The following DNAJB6 variants were observed in gnomAD, a reference collection of about 807,000 sequenced individuals.
DNAJB6 encodes the protein DnaJ heat shock protein family (Hsp40) member B6.
DNAJB6 carries 16 observed loss-of-function variants against 42.7 expected under a neutral mutation model. That is an observed-to-expected ratio of 0.37 (90% CI 0.25 to 0.57). DNAJB6 has a LOEUF of 0.57. DNAJB6 is among the 20% of genes least tolerant of loss of function. The pLI is 0.74. For missense variants in DNAJB6, 347 were observed against 416.8 expected (o/e 0.83, Z 1.46); for synonymous variants, 170 against 163.5 (o/e 1.04, Z -0.30).
chr7:157,399,606 A>G (rs901442358), intron 8 of DNAJB6, among the ~76,000 whole-genome samples: 2 of 152,016 alleles, frequency 1.3e-5, no homozygotes, highest in Admixed American at 1.3e-4. Flanking sequence ...GTGCGGTGAC[A>G]TCACCTAACA....
At chr7:157,368,900 TGCC>T (rs1799973105) in intron 5 of DNAJB6, 3 of 208,026 alleles carry the variant, frequency 1.4e-5, no homozygotes, top group African/African-American at 7.1e-5. Flanking sequence ...GTGGAGCTCC[TGCC>T]TGCCGCAGGC....
chr7:157,352,646 C>T (rs1257076976), intron 1 of DNAJB6, among the ~76,000 whole-genome samples: 2 of 152,100 alleles, frequency 1.3e-5, no homozygotes, highest in Non-Finnish European at 2.9e-5. Flanking sequence ...CTTCCCACTT[C>T]CTCATTGTGT....
intron 3 of DNAJB6, among the ~76,000 whole-genome samples, chr7:157,364,637 CTTG>C (rs1799760563): frequency 6.6e-6 from 1 of 152,072 alleles, no homozygotes; most frequent in South Asian, 2.1e-4. Flanking sequence ...GTCTTCGGTC[CTTG>C]TTGTTTGTGT....
chr7:157,372,859 C>T (rs1282605624), intron 5 of DNAJB6, among the ~76,000 whole-genome samples: 1 of 152,220 alleles, frequency 6.6e-6, no homozygotes, highest in Non-Finnish European at 1.5e-5. Flanking sequence ...CCTTCCCCAG[C>T]TGTTCTTCTC....
rs1272429474 is a variant in DNAJB6, at chr7:157,342,422, C to G, written c.-27+5278C>G. 2.1e-5 allele frequency among the ~76,000 whole-genome samples: 3 copies of G among 140,892 alleles called. No individual in the cohort carries two copies. In the South Asian group the frequency reaches 6.8e-4, roughly 32 times the overall value. The allele number at this position is 140,892 out of a possible 152,430, so 92.4% of individuals were successfully genotyped here. A position where few individuals can be genotyped will look rare whatever the true frequency, so the allele number is the denominator to read the frequency against. On this transcript the variant is annotated intron_variant, in intron 1 of 9. Coordinates refer to ENST00000262177, the MANE Select transcript of DNAJB6 (RefSeq NM_058246.4). ...GTGCAATCTCAGCTCACTGCAACCT[C>G]TGCCTCCCAGGTTCAAGCGATTCTC...
chr7:157,351,812 C>A (rs1324532652), intron 1 of DNAJB6, among the ~76,000 whole-genome samples: 3 of 149,688 alleles, frequency 2.0e-5, no homozygotes, highest in Admixed American at 6.7e-5. Flanking sequence ...TTAAAAAAAA[C>A]CCAAAAAACA....
At chr7:157,348,829 A>C (rs4716469) in intron 1 of DNAJB6, among the ~76,000 whole-genome samples, 61,834 of 151,768 alleles carry the variant, frequency 0.41, 14,014 homozygotes, top group Middle Eastern at 0.56. Context: ...GTTCCACCCT[A>C]CTAACTTGCT....
chr7:157,373,152 A>G (rs946732231), intron 5 of DNAJB6, among the ~76,000 whole-genome samples: 1 of 152,192 alleles, frequency 6.6e-6, no homozygotes, highest in African/African-American at 2.4e-5. Context: ...ATAATCTATA[A>G]AGAGCCTGTT....
intron 3 of DNAJB6, among the ~76,000 whole-genome samples, chr7:157,366,065 C>T (rs1327203254): frequency 6.6e-6 from 1 of 151,980 alleles, no homozygotes; most frequent in Non-Finnish European, 1.5e-5. Flanking sequence ...ATTCTCTTGC[C>T]TCAGCCTCCT....
At chr7:157,369,111 A>C (rs1799985164) in intron 5 of DNAJB6, 1 of 367,946 alleles carries the variant, frequency 2.7e-6, no homozygotes, top group Non-Finnish European at 5.4e-6. Flanking sequence ...ACTGAAGCTG[A>C]GCAGGCGATT....
chr7:157,358,011 T>A (rs930639335), intron 1 of DNAJB6, among the ~76,000 whole-genome samples: 4 of 152,152 alleles, frequency 2.6e-5, no homozygotes, highest in African/African-American at 9.7e-5. Flanking sequence ...CTTTCTCTCT[T>A]GGGAGATGTG....
At chr7:157,371,509 G>GAACC (rs1165081515) in intron 5 of DNAJB6, among the ~76,000 whole-genome samples, 1 of 151,224 alleles carries the variant, frequency 6.6e-6, no homozygotes, top group Non-Finnish European at 1.5e-5. Flanking sequence ...CTGCGGTGTG[G>GAACC]AACCCGTCCT....
intron 8 of DNAJB6, among the ~76,000 whole-genome samples, chr7:157,399,986 A>G (rs1370719876): frequency 1.3e-5 from 2 of 152,198 alleles, no homozygotes; most frequent in Non-Finnish European, 2.9e-5. Context: ...TGTCAGGAGA[A>G]TATCAGCATG....
chr7:157,351,396 A>C (rs145354022), intron 1 of DNAJB6, among the ~76,000 whole-genome samples: 1,679 of 152,076 alleles, frequency 0.011, 31 homozygotes, highest in East Asian at 0.06. Flanking sequence ...TGGGAGGCCG[A>C]GGAGGGCGGA....
chr7:157,354,782 C>T (rs932722794), intron 1 of DNAJB6, among the ~76,000 whole-genome samples: 4 of 152,256 alleles, frequency 2.6e-5, no homozygotes, highest in Non-Finnish European at 2.9e-5. Flanking sequence ...GAGGTAGACT[C>T]GGCAGAACTT....
chr7:157,389,762 C>T (rs749686369), intron 8 of DNAJB6, among the ~76,000 whole-genome samples: 1 of 152,198 alleles, frequency 6.6e-6, no homozygotes, highest in Admixed American at 6.5e-5. Flanking sequence ...GAAATCTAGA[C>T]GTCACTGATT....
intron 1 of DNAJB6, among the ~76,000 whole-genome samples, chr7:157,344,473 G>A (rs973814750): frequency 6.6e-6 from 1 of 151,344 alleles, no homozygotes; most frequent in Non-Finnish European, 1.5e-5. Flanking sequence ...AGATTGTGCT[G>A]CTGCACTCCA....
intron 8 of DNAJB6, among the ~76,000 whole-genome samples, chr7:157,402,463 A>G (rs7778789): frequency 0.22 from 33,373 of 152,112 alleles, 5,089 homozygotes; most frequent in African/African-American, 0.43. Flanking sequence ...GTGGGGTGAC[A>G]GGGTTGCCTG....
intron 5 of DNAJB6, among the ~76,000 whole-genome samples, chr7:157,371,660 C>T (rs1800217090): frequency 6.6e-6 from 1 of 152,258 alleles, no homozygotes. Context: ...ATGTGGAGCA[C>T]ATGCAAATGA....
Sources: gnomAD v4.1 joint callset for allele counts (sites outside exome capture counted in the v4.1 genomes callset) on GRCh38, gnomAD v4.1.1 for gene constraint, MANE v1.5 for transcripts, NCBI Gene and HGNC (gene_info 2026-07-23, HGNC 2026-07-21) for gene names.